The following LARGE1 variants were observed in gnomAD, a reference collection of about 807,000 sequenced individuals.
The protein encoded by LARGE1 is LARGE xylosyl- and glucuronyltransferase 1.
Under a neutral mutation model 87.6 loss-of-function variants are expected in LARGE1, and 43 were observed. The observed-to-expected ratio is 0.49, with a 90% CI of 0.38 to 0.63. LARGE1 has a LOEUF of 0.63. Ranked by LOEUF, LARGE1 falls within the 30% of genes least tolerant of loss-of-function variation. The pLI is 0.00. For synonymous variants in LARGE1, 434 were observed against 394.6 expected (o/e 1.10, Z -1.18); for missense variants, 802 against 1,000.2 (o/e 0.80, Z 2.67).
chr22:33,579,922 G>A (rs1470407499), intron 5 of LARGE1, among the ~76,000 whole-genome samples: 3 of 152,176 alleles, frequency 2.0e-5, no homozygotes, highest in Non-Finnish European at 4.4e-5. Context: ...GAATTGCTGA[G>A]TTCCTACATA....
chr22:33,606,032 TG>T (rs749085905), intron 4 of LARGE1, among the ~76,000 whole-genome samples: 2 of 151,038 alleles, frequency 1.3e-5, no homozygotes, highest in Non-Finnish European at 3.0e-5. Context: ...GTATTAGGAG[TG>T]GGGGCCGGGG....
chr22:33,834,276 A>C (rs369361192), intron 1 of LARGE1, among the ~76,000 whole-genome samples: 1 of 152,204 alleles, frequency 6.6e-6, no homozygotes, highest in Non-Finnish European at 1.5e-5. Flanking sequence ...GAAAATATAA[A>C]ATATGTACCT....
chr22:33,806,952 G>A (rs990906759), intron 1 of LARGE1, among the ~76,000 whole-genome samples: 5 of 152,078 alleles, frequency 3.3e-5, no homozygotes, highest in African/African-American at 9.7e-5. Flanking sequence ...GGAGGTTGCA[G>A]CGAGCTGAGA....
intron 11 of LARGE1, among the ~76,000 whole-genome samples, chr22:33,240,335 CTTA>C (rs1231819223): frequency 8.5e-5 from 13 of 152,138 alleles, no homozygotes; most frequent in Non-Finnish European, 2.9e-5. Flanking sequence ...TATTTGCCTT[CTTA>C]TTATTGATTT....
intron 7 of LARGE1, among the ~76,000 whole-genome samples, chr22:33,413,045 G>A (rs2066364240): frequency 1.3e-5 from 2 of 152,144 alleles, no homozygotes; most frequent in South Asian, 4.1e-4. Flanking sequence ...GCAGATGTGA[G>A]CTAGGACCCT....
intron 3 of LARGE1, among the ~76,000 whole-genome samples, chr22:33,631,163 T>C (rs959253921): frequency 1.4e-5 from 2 of 147,610 alleles, no homozygotes; most frequent in Admixed American, 6.8e-5. Flanking sequence ...AACTGTCTAT[T>C]TTTTTTTTTA....
chr22:33,102,254 C>T, the LARGE1 span, among the ~76,000 whole-genome samples: 9 of 151,914 alleles, frequency 5.9e-5, no homozygotes, highest in Non-Finnish European at 1.0e-4. Flanking sequence ...CTGCAACCTC[C>T]GCCTCCTGGG....
intron 1 of LARGE1, among the ~76,000 whole-genome samples, chr22:33,905,010 A>G (rs2065399694): frequency 6.6e-6 from 1 of 150,958 alleles, no homozygotes; most frequent in Non-Finnish European, 1.5e-5. Context: ...TCCAAACTTC[A>G]GTATCTGAGA....
At position 33,870,245 on chromosome 22, in the gene LARGE1, A is replaced by C. The variant is rs138178384; in HGVS notation, c.-83+49750T>G. On this transcript the variant is annotated intron_variant, in intron 1 of 14. Coordinates refer to ENST00000397394, the MANE Select transcript of LARGE1 (RefSeq NM_133642.5). ...AAAGAGAAGCTAGGCAGAGGCCAGG[A>C]AGGACACAGTTTCAGAGAGCATGGC... Among the ~76,000 whole-genome samples, 825 of 152,276 alleles carry C rather than the reference A, an allele frequency of 5.4e-3. 5 individuals carry two copies. The highest frequency in any genetic ancestry group is 0.017 in the South Asian group (83 of 4,822).
intron 7 of LARGE1, among the ~76,000 whole-genome samples, chr22:33,399,202 G>A (rs5994729): frequency 6.7e-6 from 1 of 148,814 alleles, no homozygotes; most frequent in Non-Finnish European, 1.5e-5. Flanking sequence ...TGTTCTCATT[G>A]TTCAACTCTC....
At chr22:33,418,972 T>A (rs1244446865) in intron 7 of LARGE1, among the ~76,000 whole-genome samples, 3 of 152,078 alleles carry the variant, frequency 2.0e-5, no homozygotes, top group African/African-American at 7.2e-5. Flanking sequence ...ACCTGAAGAA[T>A]CCCATTGTAT....
chr22:33,806,523 C>T (rs1187444197), intron 1 of LARGE1, among the ~76,000 whole-genome samples: 2 of 152,196 alleles, frequency 1.3e-5, no homozygotes, highest in African/African-American at 2.4e-5. Flanking sequence ...GAGAACATGG[C>T]TGTATCATTA....
chr22:33,644,172 G>A lies in LARGE1; in HGVS notation c.408+6195C>T, dbSNP rs1049928113. ...ATGTGAAAATCCTCGGTAAAATACC[G>A]GCAAACCGAATCCAGCAGCACATTA... On this transcript the variant is annotated intron_variant, in intron 3 of 14. Coordinates refer to ENST00000397394, the MANE Select transcript of LARGE1 (RefSeq NM_133642.5). Among the ~76,000 whole-genome samples, 9 of 152,196 alleles carry A rather than the reference G, an allele frequency of 5.9e-5. No homozygotes were observed. In the South Asian group the frequency reaches 6.2e-4, roughly 11 times the overall value.
rs2080766768 is a variant in LARGE1, at chr22:33,650,556, C to T, written c.219G>A (p.Glu73=). ...GCCTGCGGAGGGCGCGGTTCTCCTC[C>T]TCCACCTCGCGCATGCGCACCTCCA... The part of the protein sequence containing the change: ...ESLEVRMREV[E]EENRALRRQL... The change falls in exon 3 of 15, where the codon GAG becomes GAA. Residue 73 remains glutamate, a synonymous_variant. Coordinates refer to ENST00000397394, the MANE Select transcript of LARGE1 (RefSeq NM_133642.5). The T allele has an allele frequency of 1.9e-6, 3 of 1,608,666 alleles. No homozygotes were observed. The highest frequency in any genetic ancestry group is 3.3e-5 in the Admixed American group (2 of 59,990).
chr22:33,398,301 G>A (rs1601702956), intron 7 of LARGE1, among the ~76,000 whole-genome samples: 1 of 151,718 alleles, frequency 6.6e-6, no homozygotes, highest in East Asian at 1.9e-4. Context: ...GGCTCAGAAA[G>A]GCTATGTGGC....
At chr22:33,300,415 G>C (rs1458656748) in intron 12 of LARGE1, among the ~76,000 whole-genome samples, 2 of 152,378 alleles carry the variant, frequency 1.3e-5, no homozygotes, top group South Asian at 4.1e-4. Context: ...TTGCCCTGCT[G>C]TTCAGGATGG....
the LARGE1 span, among the ~76,000 whole-genome samples, chr22:33,097,772 T>C: frequency 6.6e-6 from 1 of 152,172 alleles, no homozygotes; most frequent in African/African-American, 2.4e-5. Context: ...TGATTGTCAG[T>C]TTCTTCATCT....
intron 6 of LARGE1, among the ~76,000 whole-genome samples, chr22:33,548,843 T>C (rs1349924240): frequency 6.6e-6 from 1 of 152,254 alleles, no homozygotes; most frequent in Non-Finnish European, 1.5e-5. Flanking sequence ...GGTAATCTTC[T>C]CTTTTATCTC....
downstream of LARGE1, among the ~76,000 whole-genome samples, chr22:33,158,742 A>T (rs1056993048): frequency 6.6e-6 from 1 of 152,202 alleles, no homozygotes; most frequent in Non-Finnish European, 1.5e-5. Flanking sequence ...TTATTTTATC[A>T]TCAAAACTAT....
Sources: allele counts gnomAD v4.1 joint callset (sites outside exome capture counted in the v4.1 genomes callset), GRCh38; gene constraint gnomAD v4.1.1; transcripts MANE v1.5; gene names NCBI Gene and HGNC (gene_info 2026-07-23, HGNC 2026-07-21).